MAP2K5: variants seen among roughly 807,000 people sequenced by gnomAD.
MAP2K5 encodes mitogen-activated protein kinase kinase 5.
In MAP2K5, 49 loss-of-function variants were observed where a neutral mutation model predicts 83.1. That is an observed-to-expected ratio of 0.59 (90% CI 0.47 to 0.75). MAP2K5 has a LOEUF of 0.75. MAP2K5 is among the 30% of genes least tolerant of loss of function. The pLI is 0.00. For missense variants in MAP2K5, 457 were observed against 557.5 expected (o/e 0.82, Z 1.82); for synonymous variants, 202 against 191.8 (o/e 1.05, Z -0.44).
chr15:67,642,106 A>T (rs1466125564), intron 9 of MAP2K5, among the ~76,000 whole-genome samples: 3 of 152,214 alleles, frequency 2.0e-5, no homozygotes, highest in Non-Finnish European at 4.4e-5. Flanking sequence ...AGTACAGCAG[A>T]TTAGCTCCAC....
chr15:67,693,397 C>A, intron 14 of MAP2K5, 121 bp from the exon 15 acceptor site: 2 of 745,770 alleles, frequency 2.7e-6, no homozygotes, highest in South Asian at 3.3e-5. Context: ...AAATTTGTTC[C>A]CTTTTACATA....
At chr15:67,608,671 A>G (rs539182039) in intron 8 of MAP2K5, among the ~76,000 whole-genome samples, 3 of 152,252 alleles carry the variant, frequency 2.0e-5, no homozygotes, top group African/African-American at 7.2e-5. Flanking sequence ...GAAAGAGAAG[A>G]TTAAAGGGCT....
chr15:67,627,928 C>T lies in MAP2K5; in HGVS notation c.546-2960C>T, dbSNP rs755459775. ...TTGGAGGGCTGAACTTTGAAACAACCGATGAGAGCCTGAGGAGCCATTTTA... is the reference window on the plus strand; with the variant it reads ...TTGGAGGGCTGAACTTTGAAACAACTGATGAGAGCCTGAGGAGCCATTTTA... On this transcript the variant is annotated intron_variant, in intron 8 of 21. Coordinates refer to ENST00000178640, the MANE Select transcript of MAP2K5 (RefSeq NM_145160.3). 7.6e-5 allele frequency: 60 copies of T among 788,916 alleles called. 2 individuals are homozygous for T. The highest frequency in any genetic ancestry group is 2.9e-4 in the African/African-American group (17 of 58,378). 48.9% of individuals were successfully genotyped at this position (788,916 alleles called of 1,614,324 possible).
chr15:67,574,095 C>T (rs1233893366), intron 3 of MAP2K5, among the ~76,000 whole-genome samples: 5 of 152,144 alleles, frequency 3.3e-5, no homozygotes, highest in Non-Finnish European at 7.3e-5. Flanking sequence ...CATCCAAGAA[C>T]CATCTCTTGG....
Position 67,769,769 on chromosome 15 carries a change from A to T in MAP2K5, c.1196+106A>T, listed in dbSNP as rs1030857991. The T allele has an allele frequency of 2.6e-6, 3 of 1,136,492 alleles. No homozygotes were observed. In the Admixed American group the frequency reaches 6.1e-5, roughly 23 times the overall value. The allele number at this position is 1,136,492 out of a possible 1,614,324, so 70.4% of individuals were successfully genotyped here. ...GCTCTCCCTGCATCCTTTTGGAGAC[A>T]GGAGGGACTTCGGGGCCTTGGGCAG... On this transcript the variant is annotated intron_variant, in intron 20 of 21. Coordinates refer to ENST00000178640, the MANE Select transcript of MAP2K5 (RefSeq NM_145160.3). This position sits in a 1 kb window ranked among gnomAD's most constrained non-coding sequence, Gnocchi z 5.2.
At chr15:67,560,672 A>G (rs1354674767) in intron 2 of MAP2K5, among the ~76,000 whole-genome samples, 2 of 152,226 alleles carry the variant, frequency 1.3e-5, no homozygotes, top group Non-Finnish European at 2.9e-5. Context: ...TGCTCTTGTA[A>G]TGTTTCATAG....
chr15:67,614,633 A>T (rs559545063), intron 8 of MAP2K5, among the ~76,000 whole-genome samples: 3 of 152,296 alleles, frequency 2.0e-5, no homozygotes, highest in African/African-American at 7.2e-5. Flanking sequence ...CCTTGATCTC[A>T]GAGGTATTTA....
At chr15:67,556,001 G>T (rs556210717) in intron 2 of MAP2K5, among the ~76,000 whole-genome samples, 5 of 152,044 alleles carry the variant, frequency 3.3e-5, no homozygotes, top group Non-Finnish European at 7.4e-5. Context: ...GACCAGACTG[G>T]TCTCAAACTC....
chr15:67,626,879 G>A (rs2086337885), intron 8 of MAP2K5, among the ~76,000 whole-genome samples: 1 of 152,060 alleles, frequency 6.6e-6, no homozygotes, highest in Admixed American at 6.6e-5. Context: ...CTCCAGCCTG[G>A]GAGACAGAAT....
At chr15:67,766,971 T>C (rs1460601191) in intron 19 of MAP2K5, among the ~76,000 whole-genome samples, 1 of 152,212 alleles carries the variant, frequency 6.6e-6, no homozygotes, top group African/African-American at 2.4e-5. Context: ...TCTGGCATTG[T>C]GCATGTGAGA....
Position 67,547,386 on chromosome 15 carries a change from T to C in MAP2K5, c.136-2648T>C, listed in dbSNP as rs111904926. ...ATCTGTCAGATATTTGTCTGATTTA[T>C]TGAAAGGAAGAAGAAAAGTATCAAA... On this transcript the variant is annotated intron_variant, in intron 1 of 21. Coordinates refer to ENST00000178640, the MANE Select transcript of MAP2K5 (RefSeq NM_145160.3). Among the ~76,000 whole-genome samples the C allele has an allele frequency of 2.6e-5, 4 of 152,318 alleles. No homozygotes were observed. The South Asian group carries it at 6.2e-4, about 24-fold the overall frequency.
chr15:67,729,789 C>T (rs1035933600), intron 17 of MAP2K5, among the ~76,000 whole-genome samples: 3 of 152,082 alleles, frequency 2.0e-5, no homozygotes. Context: ...AAATGGATTA[C>T]TGCCACATTT....
rs1315153257 is a variant in MAP2K5, at chr15:67,573,522, C to T, written c.253-7232C>T. 6.6e-6 allele frequency among the ~76,000 whole-genome samples: 1 copy of T among 152,036 alleles called. No individual in the cohort carries two copies. Among genetic ancestry groups the T allele is most frequent in the Non-Finnish European group, 1.5e-5 (1 of 68,004 alleles). On this transcript the variant is annotated intron_variant, in intron 3 of 21. Transcript: ENST00000178640. The surrounding 1 kb of genome is among the most constrained non-coding windows in gnomAD (Gnocchi z 4.2). ...TGATCCAGTCATCTCTCACAGGACC[C>T]CTCCTCCAATTAAACATGAGATTTG...
intron 13 of MAP2K5, among the ~76,000 whole-genome samples, chr15:67,678,541 A>G (rs2087735283): frequency 6.6e-6 from 1 of 152,268 alleles, no homozygotes; most frequent in African/African-American, 2.4e-5. Context: ...AGGAAGTAGA[A>G]GTTGGAGATA....
intron 8 of MAP2K5, among the ~76,000 whole-genome samples, chr15:67,607,892 A>T (rs1204543847): frequency 6.6e-6 from 1 of 152,218 alleles, no homozygotes; most frequent in Admixed American, 6.5e-5. Flanking sequence ...CAATATTGCT[A>T]TACAAACAAC....
intron 8 of MAP2K5, among the ~76,000 whole-genome samples, chr15:67,624,559 C>T (rs1408994861): frequency 1.3e-5 from 2 of 151,156 alleles, no homozygotes; most frequent in East Asian, 3.9e-4. Context: ...CCCTAGAATA[C>T]AGGTAAAAAA....
chr15:67,608,642 T>C (rs994471450), intron 8 of MAP2K5, among the ~76,000 whole-genome samples: 4 of 152,126 alleles, frequency 2.6e-5, no homozygotes, highest in Non-Finnish European at 5.9e-5. Flanking sequence ...TTGAAAGGAA[T>C]TGGCTAACTT....
chr15:67,671,762 T>C (rs960682203), intron 13 of MAP2K5, among the ~76,000 whole-genome samples: 2 of 150,398 alleles, frequency 1.3e-5, no homozygotes, highest in African/African-American at 4.9e-5. Flanking sequence ...GCTGCACCCA[T>C]TAACTCGTCA....
At chr15:67,574,822 G>A (rs1022908278) in intron 3 of MAP2K5, among the ~76,000 whole-genome samples, 1 of 152,044 alleles carries the variant, frequency 6.6e-6, no homozygotes. Flanking sequence ...AGCCGAGATC[G>A]TACCGCTGCA....
Sources: allele counts gnomAD v4.1 joint callset (sites outside exome capture counted in the v4.1 genomes callset), GRCh38; gene constraint gnomAD v4.1.1; non-coding constraint Gnocchi (gnomAD v3.1); transcripts MANE v1.5; gene names NCBI Gene and HGNC (gene_info 2026-07-23, HGNC 2026-07-21).